The following GDA variants were observed in gnomAD, a reference collection of about 807,000 sequenced individuals.
GDA encodes guanine deaminase.
Under a neutral mutation model 59.6 loss-of-function variants are expected in GDA, and 18 were observed. The observed-to-expected ratio is 0.30, with a 90% CI of 0.21 to 0.45. The LOEUF is 0.45. Ranked by LOEUF, GDA falls within the 20% of genes least tolerant of loss-of-function variation. The pLI, the probability that GDA is intolerant of heterozygous loss-of-function variation, is 1.00. For synonymous variants in GDA, 201 were observed against 201.1 expected (o/e 1.00, Z 0.00); for missense variants, 427 against 552.3 (o/e 0.77, Z 2.27).
chr9:72,172,324 A>G (rs1830058819), intron 1 of GDA, among the ~76,000 whole-genome samples: 1 of 152,130 alleles, frequency 6.6e-6, no homozygotes, highest in African/African-American at 2.4e-5. Flanking sequence ...CATTTCTTGA[A>G]TACTTACTCT....
downstream of GDA, among the ~76,000 whole-genome samples, chr9:72,255,606 T>A (rs1156359401): frequency 6.6e-6 from 1 of 152,174 alleles, no homozygotes; most frequent in Non-Finnish European, 1.5e-5. Context: ...ACTTTCTTAG[T>A]GGAACTATGA....
chr9:72,186,431 C>G (rs1011600016), intron 1 of GDA, among the ~76,000 whole-genome samples: 1 of 152,140 alleles, frequency 6.6e-6, no homozygotes, highest in Non-Finnish European at 1.5e-5. Context: ...GGTTCACTCT[C>G]TCCTTTTATG....
intron 1 of GDA, among the ~76,000 whole-genome samples, chr9:72,143,002 C>T (rs1826495913): frequency 6.6e-6 from 1 of 151,742 alleles, no homozygotes. Flanking sequence ...CTCCCGACCT[C>T]AGATGATCCA....
intron 1 of GDA, among the ~76,000 whole-genome samples, chr9:72,175,207 C>A (rs963907389): frequency 2.0e-5 from 3 of 152,158 alleles, no homozygotes; most frequent in Non-Finnish European, 4.4e-5. Context: ...CACTCTGTCA[C>A]CCAGGCTGGA....
At chr9:72,235,233 G>A (rs1028450664) in intron 10 of GDA, among the ~76,000 whole-genome samples, 7 of 152,282 alleles carry the variant, frequency 4.6e-5, no homozygotes, top group African/African-American at 1.7e-4. Flanking sequence ...TCAGGAAGAT[G>A]TTTCCCTCAG....
intron 1 of GDA, among the ~76,000 whole-genome samples, chr9:72,118,309 C>T (rs1825539970): frequency 7.0e-6 from 1 of 141,996 alleles, no homozygotes; most frequent in African/African-American, 2.6e-5. Context: ...AATGTAAATT[C>T]AGGCATTCAA....
chr9:72,145,576 T>C (rs763154598), upstream of GDA, among the ~76,000 whole-genome samples: 1 of 152,174 alleles, frequency 6.6e-6, no homozygotes, highest in Non-Finnish European at 1.5e-5. Flanking sequence ...ATAATTACAT[T>C]CATGAGATGA....
intron 6 of GDA, 60 bp downstream of exon 6, chr9:72,219,566 TA>T (rs1328710821): frequency 8.0e-7 from 1 of 1,257,712 alleles, no homozygotes; most frequent in African/African-American, 1.5e-5. Flanking sequence ...GTAGGATTCA[TA>T]AAGTTGCTTG....
At chr9:72,252,870 GA>G (rs1237950263), downstream of GDA, among the ~76,000 whole-genome samples, 1 of 152,148 alleles carries the variant, frequency 6.6e-6, no homozygotes, top group Non-Finnish European at 1.5e-5. Context: ...CAGTCATGAA[GA>G]TTAAATAAAA....
At chr9:72,145,536 C>G (rs1471182860), upstream of GDA, among the ~76,000 whole-genome samples, 2 of 152,112 alleles carry the variant, frequency 1.3e-5, no homozygotes, top group African/African-American at 2.4e-5. Context: ...TTCTATCTAG[C>G]AAAAAGGACT....
chr9:72,127,404 G>C (rs189170837), intron 1 of GDA, among the ~76,000 whole-genome samples: 1 of 151,922 alleles, frequency 6.6e-6, no homozygotes, highest in Non-Finnish European at 1.5e-5. Context: ...TTTGGAAGGC[G>C]GAGGTGGGCG....
At position 72,232,774 on chromosome 9, in the gene GDA, T is replaced by C. The variant is rs557963482; in HGVS notation, c.988+1593T>C. Among the ~76,000 whole-genome samples the C allele has an allele frequency of 3.3e-5, 5 of 152,366 alleles. No homozygotes were observed. In the South Asian group the frequency reaches 8.3e-4, roughly 25 times the overall value. On this transcript the variant is annotated intron_variant, in intron 10 of 13. Coordinates refer to ENST00000358399, the MANE Select transcript of GDA (RefSeq NM_004293.5). The stretch of plus-strand genomic sequence containing the variant: ...CTGTCACTTATTATCTGTAAGACCT[T>C]GAGAAAATTAATTTTCTAGTAGTTT...
intron 11 of GDA, among the ~76,000 whole-genome samples, chr9:72,244,440 G>C (rs1839939033): frequency 6.6e-6 from 1 of 152,176 alleles, no homozygotes; most frequent in African/African-American, 2.4e-5. Flanking sequence ...CAAGTCAATA[G>C]ATATTATTGG....
intron 1 of GDA, among the ~76,000 whole-genome samples, chr9:72,189,818 G>A (rs945079006): frequency 6.6e-6 from 1 of 151,992 alleles, no homozygotes; most frequent in African/African-American, 2.4e-5. Flanking sequence ...CTCCAGCCTG[G>A]GTGACAGAGT....
chr9:72,132,663 C>A (rs1328923234), intron 1 of GDA, among the ~76,000 whole-genome samples: 2 of 152,130 alleles, frequency 1.3e-5, no homozygotes, highest in African/African-American at 4.8e-5. Flanking sequence ...CCCCATAAAG[C>A]ACTGCTATGG....
At chr9:72,253,519 C>T (rs1378958135), downstream of GDA, 1 of 152,140 alleles carries the variant, frequency 6.6e-6, no homozygotes, top group Non-Finnish European at 1.5e-5. Context: ...CTTTTATTGT[C>T]CCTTGCTGCC....
intron 6 of GDA, among the ~76,000 whole-genome samples, chr9:72,220,126 T>C (rs1836683730): frequency 6.6e-6 from 1 of 152,160 alleles, no homozygotes; most frequent in Admixed American, 6.5e-5. Context: ...AATCATGCCA[T>C]TTGTGACAAT....
chr9:72,233,286 T>C (rs1015891368), intron 10 of GDA, among the ~76,000 whole-genome samples: 2 of 152,146 alleles, frequency 1.3e-5, no homozygotes, highest in African/African-American at 2.4e-5. Flanking sequence ...AACAGAAATA[T>C]AGCAAAACAA....
chr9:72,157,330 G>A (rs543905296), intron 1 of GDA, among the ~76,000 whole-genome samples: 5 of 152,104 alleles, frequency 3.3e-5, no homozygotes, highest in South Asian at 2.1e-4. Flanking sequence ...CGTGAGCCAC[G>A]GTAGCCAGCC....
Sources: allele counts gnomAD v4.1 joint callset (sites outside exome capture counted in the v4.1 genomes callset), GRCh38; gene constraint gnomAD v4.1.1; transcripts MANE v1.5; gene names NCBI Gene and HGNC (gene_info 2026-07-23, HGNC 2026-07-21).